The following ADCY1 variants were observed in gnomAD, a reference collection of about 807,000 sequenced individuals.
The protein encoded by ADCY1 is adenylate cyclase type 1.
ADCY1 carries 28 observed loss-of-function variants against 105.4 expected under a neutral mutation model. The ratio of observed to expected loss-of-function variants is 0.27; its 90% CI spans 0.20 to 0.36. The LOEUF (loss-of-function observed/expected upper bound fraction) is 0.36. Among genes scored for constraint, ADCY1 ranks in the 10% least tolerant of loss-of-function variants. The pLI is 1.00. For missense variants in ADCY1, 977 were observed against 1,434.2 expected, an observed-to-expected ratio of 0.68 and a Z score of 5.15; for synonymous variants, 655 against 623.8, an observed-to-expected ratio of 1.05 and a Z score of -0.75.
intron 2 of ADCY1, among the ~76,000 whole-genome samples, chr7:45,605,783 C>T (rs1382495865): frequency 6.6e-6 from 1 of 152,014 alleles, no homozygotes; most frequent in African/African-American, 2.4e-5. Context: ...GCTTTACAGT[C>T]TTTGTTGGTT....
At chr7:45,665,355 C>A (rs977205166) in intron 8 of ADCY1, among the ~76,000 whole-genome samples, 1 of 152,110 alleles carries the variant, frequency 6.6e-6, no homozygotes, top group Non-Finnish European at 1.5e-5. Flanking sequence ...AGGGTAGTTA[C>A]GCTCATCGCC....
At position 45,686,227 on chromosome 7, in the gene ADCY1, G is replaced by T; in HGVS notation, c.2327+12G>T. ...TACACCAGGACTGGGTAAGTGTGTGGCTCCTCAAGAAAAAGGCCTAAGCAG... is the reference window on the plus strand; with the variant it reads ...TACACCAGGACTGGGTAAGTGTGTGTCTCCTCAAGAAAAAGGCCTAAGCAG... On this transcript the variant is annotated intron_variant, in intron 13 of 19. Transcript: ENST00000297323. This position sits in a 1 kb window ranked among gnomAD's most constrained non-coding sequence, Gnocchi z 4.3. 6.2e-7 allele frequency: 1 copy of T among 1,610,292 alleles called. No homozygotes were observed. Among genetic ancestry groups the T allele is most frequent in the Non-Finnish European group, 8.5e-7 (1 of 1,177,782 alleles).
At chr7:45,630,752 A>G (rs1299487026) in intron 4 of ADCY1, among the ~76,000 whole-genome samples, 1 of 152,106 alleles carries the variant, frequency 6.6e-6, no homozygotes. Flanking sequence ...GCTTATCTGG[A>G]TAATCCAAGA....
intron 14 of ADCY1, among the ~76,000 whole-genome samples, chr7:45,696,542 T>C (rs998490414): frequency 2.6e-5 from 4 of 151,942 alleles, no homozygotes; most frequent in Admixed American, 6.6e-5. Flanking sequence ...TTAGTGTCCA[T>C]GTGGAGTGAC....
Position 45,710,699 on chromosome 7 carries a change from G to C in ADCY1, c.3057+47G>C. ...TAAGGCATGGGTGCCCATTCTTCAG[G>C]TGAGGAAACTGAGGCACAGGGGGCC... On this transcript the variant is annotated intron_variant, in intron 19 of 19. Transcript: ENST00000297323. The surrounding 1 kb of genome is among the most constrained non-coding windows in gnomAD (Gnocchi z 4.7). 7 of 1,569,064 alleles carry C rather than the reference G, an allele frequency of 4.5e-6. No homozygotes were observed. The highest frequency in any genetic ancestry group is 6.0e-6 in the Non-Finnish European group (7 of 1,157,508).
At chr7:45,598,880 A>G (rs1793145032) in intron 2 of ADCY1, among the ~76,000 whole-genome samples, 1 of 152,146 alleles carries the variant, frequency 6.6e-6, no homozygotes, top group African/African-American at 2.4e-5. Flanking sequence ...ACATCTCACA[A>G]AGGCCTGTCA....
At chr7:45,694,350 A>G (rs1784842035) in intron 14 of ADCY1, among the ~76,000 whole-genome samples, 1 of 152,188 alleles carries the variant, frequency 6.6e-6, no homozygotes, top group South Asian at 2.1e-4. Context: ...ATCCTCAGCT[A>G]AAGAATATAC....
intron 8 of ADCY1, among the ~76,000 whole-genome samples, chr7:45,671,583 T>TTC (rs766335715): frequency 2.2e-4 from 34 of 151,230 alleles, no homozygotes; most frequent in East Asian, 1.4e-3. Context: ...GCATTTGGTG[T>TTC]TCTCTCTCTC....
chr7:45,587,197 C>G (rs2115747950), intron 1 of ADCY1, among the ~76,000 whole-genome samples: 1 of 152,258 alleles, frequency 6.6e-6, no homozygotes, highest in South Asian at 2.1e-4. Context: ...CCCCTCTGGG[C>G]CAAGGTGGCA....
intron 14 of ADCY1, among the ~76,000 whole-genome samples, chr7:45,693,006 A>G (rs1488838147): frequency 6.6e-6 from 1 of 152,276 alleles, no homozygotes; most frequent in Non-Finnish European, 1.5e-5. Flanking sequence ...TTATGTACCT[A>G]AAACAGATCA....
intron 4 of ADCY1, among the ~76,000 whole-genome samples, chr7:45,629,687 T>G (rs1192266330): frequency 6.6e-6 from 1 of 152,068 alleles, no homozygotes; most frequent in African/African-American, 2.4e-5. Context: ...CCCGGCTAAT[T>G]TTTTTGTATT....
chr7:45,616,287 A>C (rs1793735080), intron 3 of ADCY1, among the ~76,000 whole-genome samples: 1 of 152,220 alleles, frequency 6.6e-6, no homozygotes, highest in Non-Finnish European at 1.5e-5. Flanking sequence ...CAAGTCTCCA[A>C]AATTGAAGAG....
chr7:45,574,728 T>C lies in ADCY1; in HGVS notation c.185T>C (p.Leu62Pro). 2 of 1,416,112 alleles carry C rather than the reference T, an allele frequency of 1.4e-6. No homozygotes were observed. Among genetic ancestry groups the C allele is most frequent in the Non-Finnish European group, 1.8e-6 (2 of 1,092,774 alleles). 87.7% of individuals were successfully genotyped at this position (1,416,112 alleles called of 1,614,324 possible). The change falls in exon 1 of 20, where the codon CTG (leucine) becomes CCG (proline). Residue 62 changes from leucine (L) to proline (P), a missense_variant. Around this residue, in one of 7 missense-constraint regions of ADCY1, gnomAD observed 209 missense variants for 222.5 expected, o/e 0.94. Coordinates refer to ENST00000297323, the MANE Select transcript of ADCY1 (RefSeq NM_021116.4). This position sits in a 1 kb window ranked among gnomAD's most constrained non-coding sequence, Gnocchi z 7.0. Reference protein sequence around the residue: ...YTLRLEQAATLKALAVLSLLA... With the variant: ...YTLRLEQAATPKALAVLSLLA... ...CTGCGGCTGGAGCAGGCGGCCACGC[T>C]GAAGGCGCTGGCCGTTCTCAGCCTG...
At chr7:45,645,728 C>T (rs190081924) in intron 4 of ADCY1, among the ~76,000 whole-genome samples, 10 of 152,218 alleles carry the variant, frequency 6.6e-5, no homozygotes, top group East Asian at 1.9e-4. Context: ...AGTCCACTCA[C>T]GCACATGAGA....
intron 1 of ADCY1, among the ~76,000 whole-genome samples, chr7:45,578,701 G>A (rs1243953622): frequency 6.6e-6 from 1 of 152,222 alleles, no homozygotes; most frequent in Non-Finnish European, 1.5e-5. Context: ...TCCCACAGGA[G>A]TCCGCTTCCC....
At chr7:45,608,384 A>G (rs751635418) in intron 2 of ADCY1, among the ~76,000 whole-genome samples, 4 of 152,210 alleles carry the variant, frequency 2.6e-5, no homozygotes, top group Non-Finnish European at 4.4e-5. Context: ...GGCCACATCT[A>G]GCTGCATGGG....
At position 45,686,040 on chromosome 7, in the gene ADCY1, GCCCTGCCCA is replaced by G. The variant is rs760606410; in HGVS notation, c.2161_2169del (p.Thr721_Pro723del). 1.2e-6 allele frequency: 2 copies of G among 1,611,890 alleles called. No homozygotes were observed. Among genetic ancestry groups the G allele is most frequent in the Non-Finnish European group, 1.7e-6 (2 of 1,179,304 alleles). ...CCTTTCGTCTGGGGGCCAGCGCACA[GCCCTGCCCA>G]CCCTGCCCTGCGAGTCTACACACCA... On this transcript the variant is annotated inframe_deletion, in exon 13 of 20. Transcript: ENST00000297323. The surrounding 1 kb of genome is among the most constrained non-coding windows in gnomAD (Gnocchi z 4.3).
At chr7:45,636,326 T>C (rs1250920079) in intron 4 of ADCY1, among the ~76,000 whole-genome samples, 1 of 152,238 alleles carries the variant, frequency 6.6e-6, no homozygotes, top group African/African-American at 2.4e-5. Context: ...TTACTTATAA[T>C]ATCTACTACA....
At position 45,679,862 on chromosome 7, in the gene ADCY1, G is replaced by T. The variant is rs567896830; in HGVS notation, c.1983+69G>T. 112 of 1,539,408 alleles carry T rather than the reference G, an allele frequency of 7.3e-5. No individual in the cohort carries two copies. In the African/African-American group the frequency reaches 1.4e-3, roughly 19 times the overall value. ...CATGTATGTGAGTGGCCTGTATCCT[G>T]CACCTGCATATCACCTGGTCCAGGT... On this transcript the variant is annotated intron_variant, in intron 11 of 19. Transcript: ENST00000297323.
Sources: gnomAD v4.1 joint callset for allele counts (sites outside exome capture counted in the v4.1 genomes callset) on GRCh38, gnomAD v4.1.1 for gene constraint, gnomAD v4.1.1 regional missense constraint, Gnocchi (gnomAD v3.1) non-coding constraint, MANE v1.5 for transcripts, NCBI Gene and HGNC (gene_info 2026-07-23, HGNC 2026-07-21) for gene names.